The following LRP1B variants were observed in gnomAD, a reference collection of about 807,000 sequenced individuals.
LRP1B encodes the protein LDL receptor related protein 1B.
LRP1B carries 217 observed loss-of-function variants against 556.6 expected under a neutral mutation model. The ratio of observed to expected loss-of-function variants is 0.39; its 90% CI spans 0.35 to 0.44. The LOEUF is 0.44. Ranked by LOEUF, LRP1B falls within the 20% of genes least tolerant of loss-of-function variation. The pLI is 1.00. For missense variants in LRP1B, 5,053 were observed against 5,620.8 expected, an observed-to-expected ratio of 0.90 and a Z score of 3.23; for synonymous variants, 2,047 against 1,865.8, an observed-to-expected ratio of 1.10 and a Z score of -2.50.
intron 6 of LRP1B, among the ~76,000 whole-genome samples, chr2:141,211,295 CTTTTT>C (rs142787085): frequency 2.4e-5 from 3 of 124,528 alleles, no homozygotes; most frequent in Non-Finnish European, 3.5e-5. Flanking sequence ...GCCCATTTTT[CTTTTT>C]TTTTAAAAAA....
intron 7 of LRP1B, among the ~76,000 whole-genome samples, chr2:141,140,832 CTGAGA>C (rs1366866493): frequency 1.3e-5 from 2 of 152,014 alleles, no homozygotes; most frequent in African/African-American, 4.8e-5. Context: ...GATTGACTTA[CTGAGA>C]TAAGCATGTA....
chr2:141,421,528 CAAAA>C (rs34839214), intron 3 of LRP1B, among the ~76,000 whole-genome samples: 1 of 138,220 alleles, frequency 7.2e-6, no homozygotes, highest in Admixed American at 7.1e-5. Flanking sequence ...GACTCTGTCT[CAAAA>C]AAAAAAAAAA....
At chr2:141,227,225 G>GTGTTTA (rs1323006379) in intron 6 of LRP1B, among the ~76,000 whole-genome samples, 4 of 152,084 alleles carry the variant, frequency 2.6e-5, no homozygotes, top group Non-Finnish European at 5.9e-5. Context: ...CATTATTAGG[G>GTGTTTA]CATATTAAGT....
At chr2:141,896,928 C>G (rs968201672) in intron 1 of LRP1B, among the ~76,000 whole-genome samples, 1 of 152,054 alleles carries the variant, frequency 6.6e-6, no homozygotes, top group African/African-American at 2.4e-5. Flanking sequence ...AAGTTGATAC[C>G]TGTCAAACTT....
At chr2:140,445,103 A>G (rs1237109856) in intron 63 of LRP1B, among the ~76,000 whole-genome samples, 1 of 151,814 alleles carries the variant, frequency 6.6e-6, no homozygotes, top group East Asian at 1.9e-4. Flanking sequence ...TGTCCACAAT[A>G]CATATTCTCT....
At chr2:141,944,225 G>A (rs945131793) in intron 1 of LRP1B, among the ~76,000 whole-genome samples, 1 of 152,102 alleles carries the variant, frequency 6.6e-6, no homozygotes, top group African/African-American at 2.4e-5. Context: ...CCTCATAGAT[G>A]GTGATGATAC....
chr2:142,050,390 A>T (rs1449503), intron 1 of LRP1B, among the ~76,000 whole-genome samples: 2 of 151,742 alleles, frequency 1.3e-5, no homozygotes, highest in East Asian at 1.9e-4. Context: ...AAGCCATAAA[A>T]GTTACTGAAA....
chr2:141,940,758 G>A (rs1200803674), intron 1 of LRP1B, among the ~76,000 whole-genome samples: 3 of 152,164 alleles, frequency 2.0e-5, no homozygotes, highest in African/African-American at 7.2e-5. Context: ...AGTAGGATGT[G>A]AAATGCTAGC....
intron 2 of LRP1B, among the ~76,000 whole-genome samples, chr2:141,805,987 T>G (rs947865851): frequency 6.6e-6 from 1 of 152,020 alleles, no homozygotes; most frequent in Non-Finnish European, 1.5e-5. Flanking sequence ...AATGATTCTG[T>G]GAAGGGGAAT....
At chr2:141,356,508 T>C (rs925823837) in intron 3 of LRP1B, among the ~76,000 whole-genome samples, 9 of 151,878 alleles carry the variant, frequency 5.9e-5, no homozygotes, top group Non-Finnish European at 8.8e-5. Flanking sequence ...AAAGGAGAGA[T>C]GATTTGAGCA....
intron 84 of LRP1B, among the ~76,000 whole-genome samples, chr2:140,280,342 G>A (rs1156710396): frequency 6.6e-6 from 1 of 151,762 alleles, no homozygotes; most frequent in African/African-American, 2.4e-5. Flanking sequence ...AAAAGATTTT[G>A]TTGTTGTGGG....
intron 2 of LRP1B, among the ~76,000 whole-genome samples, chr2:141,571,419 G>A (rs1686524545): frequency 7.2e-6 from 1 of 139,620 alleles, no homozygotes; most frequent in African/African-American, 2.5e-5. Flanking sequence ...CCTCATCCAA[G>A]GGTCAGCATG....
chr2:140,504,888 T>C (rs559699522), intron 53 of LRP1B, among the ~76,000 whole-genome samples: 2 of 152,320 alleles, frequency 1.3e-5, no homozygotes, highest in South Asian at 4.2e-4. Context: ...TCCATGGCAG[T>C]ATTTCTCCCA....
intron 3 of LRP1B, among the ~76,000 whole-genome samples, chr2:141,299,409 C>T (rs552161966): frequency 1.3e-5 from 2 of 152,208 alleles, no homozygotes; most frequent in South Asian, 4.1e-4. Context: ...TGATAAGAAA[C>T]ACAATGATAC....
chr2:141,945,745 A>G (rs932239527), intron 1 of LRP1B, among the ~76,000 whole-genome samples: 33 of 151,122 alleles, frequency 2.2e-4, no homozygotes, highest in African/African-American at 8.0e-4. Flanking sequence ...CAAGTTGTAC[A>G]GAAATCAATG....
At chr2:141,982,637 T>A (rs1278738112) in intron 1 of LRP1B, among the ~76,000 whole-genome samples, 1 of 152,224 alleles carries the variant, frequency 6.6e-6, no homozygotes, top group East Asian at 1.9e-4. Context: ...GTATTATGTA[T>A]TTGTAATCTA....
At chr2:141,035,375 A>AT (rs1191513047) in intron 11 of LRP1B, among the ~76,000 whole-genome samples, 47 of 141,776 alleles carry the variant, frequency 3.3e-4, no homozygotes, top group African/African-American at 8.5e-4. Flanking sequence ...AATAATAATA[A>AT]AAAAATCTTT....
chr2:141,688,459 G>T (rs1174936234), intron 2 of LRP1B, among the ~76,000 whole-genome samples: 2 of 151,838 alleles, frequency 1.3e-5, no homozygotes, highest in East Asian at 3.9e-4. Flanking sequence ...TAGATGTTAA[G>T]TAACTTTTGT....
chr2:140,548,877 A>C (rs887163793), intron 43 of LRP1B, among the ~76,000 whole-genome samples: 1 of 152,118 alleles, frequency 6.6e-6, no homozygotes, highest in South Asian at 2.1e-4. Context: ...GTGAGCCAAG[A>C]TCATGCCACC....
Sources: gnomAD v4.1 joint callset for allele counts (sites outside exome capture counted in the v4.1 genomes callset) on GRCh38, gnomAD v4.1.1 for gene constraint, MANE v1.5 for transcripts, NCBI Gene and HGNC (gene_info 2026-07-23, HGNC 2026-07-21) for gene names.